EPM2A: variants seen among roughly 807,000 people sequenced by gnomAD.
EPM2A encodes EPM2A glucan phosphatase, laforin.
In EPM2A, 21 loss-of-function variants were observed where a neutral mutation model predicts 26.5. That is an observed-to-expected ratio of 0.79 (90% confidence interval 0.56 to 1.14). The LOEUF (loss-of-function observed/expected upper bound fraction) is 1.14, where lower values mean the gene tolerates loss of function less well. EPM2A is among the 50% of genes most tolerant of loss of function. The pLI is 0.00. For missense variants in EPM2A, 458 were observed against 440.8 expected, an observed-to-expected ratio of 1.04 and a Z score of -0.35; for synonymous variants, 217 against 177.6, an observed-to-expected ratio of 1.22 and a Z score of -1.76.
intron 1 of EPM2A, among the ~76,000 whole-genome samples, chr6:145,704,577 C>A (rs1679376000): frequency 6.6e-6 from 1 of 152,132 alleles, no homozygotes; most frequent in Non-Finnish European, 1.5e-5. Flanking sequence ...ATTAAATGAC[C>A]TGACAGTCCT....
intron 4 of EPM2A, among the ~76,000 whole-genome samples, chr6:145,476,686 T>C (rs997188524): frequency 7.9e-5 from 12 of 152,160 alleles, no homozygotes; most frequent in Non-Finnish European, 1.6e-4. Context: ...TTAAATATTA[T>C]GCTCCTGAAT....
intron 2 of EPM2A, among the ~76,000 whole-genome samples, chr6:145,560,305 T>C (rs868516719): frequency 6.6e-6 from 1 of 152,176 alleles, no homozygotes; most frequent in Admixed American, 6.6e-5. Flanking sequence ...TCTCATAGCA[T>C]ATGAGTCATA....
intron 1 of EPM2A, among the ~76,000 whole-genome samples, chr6:145,688,047 T>G (rs1253453571): frequency 6.6e-6 from 1 of 152,048 alleles, no homozygotes; most frequent in Non-Finnish European, 1.5e-5. Context: ...ACCATATAAG[T>G]TTTTTTTCAT....
intron 2 of EPM2A, among the ~76,000 whole-genome samples, chr6:145,574,477 C>T (rs1356023201): frequency 6.6e-6 from 1 of 152,170 alleles, no homozygotes; most frequent in African/African-American, 2.4e-5. Flanking sequence ...GACTGTGGTT[C>T]CCACTGTTAG....
At chr6:145,396,781 G>A (rs374886311) in intron 4 of EPM2A, among the ~76,000 whole-genome samples, 3 of 152,146 alleles carry the variant, frequency 2.0e-5, no homozygotes, top group Non-Finnish European at 4.4e-5. Flanking sequence ...TAGTGGTGAC[G>A]TTTATTCTCA....
intron 4 of EPM2A, among the ~76,000 whole-genome samples, chr6:145,431,004 TA>T (rs1204923973): frequency 6.6e-6 from 1 of 152,142 alleles, no homozygotes; most frequent in South Asian, 2.1e-4. Context: ...CATCAGAGCT[TA>T]AAAAAATAGA....
intron 1 of EPM2A, among the ~76,000 whole-genome samples, chr6:145,733,061 C>G (rs1158622041): frequency 1.3e-5 from 2 of 152,168 alleles, no homozygotes; most frequent in East Asian, 3.9e-4. Context: ...TAGAATCAGT[C>G]TATTTACCTT....
rs570031428 is a variant in EPM2A at position 145,555,706 on chromosome 6, T to C, written c.341-53131A>G. Among the ~76,000 whole-genome samples the C allele has an allele frequency of 2.6e-5, 4 of 152,270 alleles. No individual in the cohort carries two copies. The South Asian group carries it at 8.3e-4, about 32-fold the overall frequency. On this transcript the variant is annotated intron_variant, in intron 2 of 3. Coordinates refer to the EPM2A transcript ENST00000450221. ...TTGTGTGTGCTTGCATTTTTCTATT[T>C]AGACAATATATATTAATAGATATGT...
At chr6:145,549,871 T>G (rs1780630607) in intron 2 of EPM2A, among the ~76,000 whole-genome samples, 1 of 152,108 alleles carries the variant, frequency 6.6e-6, no homozygotes, top group Admixed American at 6.6e-5. Context: ...TCTCTGCTGC[T>G]TCCTCATGTA....
At chr6:145,405,702 A>C (rs989966152) in intron 4 of EPM2A, among the ~76,000 whole-genome samples, 1 of 152,184 alleles carries the variant, frequency 6.6e-6, no homozygotes, top group Non-Finnish European at 1.5e-5. Context: ...TTTGATGTCA[A>C]CTTATAAACT....
intron 2 of EPM2A, among the ~76,000 whole-genome samples, chr6:145,572,139 C>T (rs757249164): frequency 6.6e-6 from 1 of 152,166 alleles, no homozygotes; most frequent in Non-Finnish European, 1.5e-5. Context: ...AAAGTTCTGC[C>T]CACTGGGAAG....
At chr6:145,567,659 G>C (rs1028607846) in intron 2 of EPM2A, among the ~76,000 whole-genome samples, 2 of 152,210 alleles carry the variant, frequency 1.3e-5, no homozygotes, top group Admixed American at 6.5e-5. Flanking sequence ...GATGCTAATT[G>C]TATCTGTGAA....
intron 4 of EPM2A, among the ~76,000 whole-genome samples, chr6:145,437,034 T>C (rs1778998050): frequency 6.6e-6 from 1 of 152,154 alleles, no homozygotes; most frequent in Non-Finnish European, 1.5e-5. Context: ...TTATTTGATA[T>C]GTGATATGGT....
chr6:145,548,389 T>G (rs1175570726), intron 2 of EPM2A, among the ~76,000 whole-genome samples: 1 of 152,138 alleles, frequency 6.6e-6, no homozygotes, highest in African/African-American at 2.4e-5. Context: ...GGAGGACATT[T>G]ACTTATTCCT....
intron 2 of EPM2A, among the ~76,000 whole-genome samples, chr6:145,531,794 T>A (rs1319358695): frequency 6.6e-6 from 1 of 152,080 alleles, no homozygotes; most frequent in Non-Finnish European, 1.5e-5. Flanking sequence ...CTCAGCAAAT[T>A]CTACTCCAGA....
chr6:145,490,344 G>T, intron 4 of EPM2A: 1 of 1,373,570 alleles, frequency 7.3e-7, no homozygotes, highest in African/African-American at 1.4e-5. Flanking sequence ...CATTTATAGA[G>T]CTTCTTTCTT....
intron 2 of EPM2A, among the ~76,000 whole-genome samples, chr6:145,525,264 T>C (rs895961205): frequency 2.0e-5 from 3 of 151,738 alleles, no homozygotes; most frequent in East Asian, 3.9e-4. Flanking sequence ...TATTTTTTGC[T>C]TAGTATTGCT....
At chr6:145,730,044 A>G (rs894580832) in intron 1 of EPM2A, among the ~76,000 whole-genome samples, 1 of 152,084 alleles carries the variant, frequency 6.6e-6, no homozygotes, top group African/African-American at 2.4e-5. Flanking sequence ...CTCCTGCTCC[A>G]GCCATGCAGA....
intron 2 of EPM2A, among the ~76,000 whole-genome samples, chr6:145,670,174 T>C (rs1779541669): frequency 6.6e-6 from 1 of 152,194 alleles, no homozygotes; most frequent in Non-Finnish European, 1.5e-5. Flanking sequence ...GAAAATATTC[T>C]GCTATGGCTC....
Sources: gnomAD v4.1 joint callset for allele counts (sites outside exome capture counted in the v4.1 genomes callset) on GRCh38, gnomAD v4.1.1 for gene constraint, MANE v1.5 for transcripts, NCBI Gene and HGNC (gene_info 2026-07-23, HGNC 2026-07-21) for gene names.